The following PCDH15 variants were observed in gnomAD, a reference collection of about 807,000 sequenced individuals.
PCDH15 encodes protocadherin related 15.
PCDH15 carries 129 observed loss-of-function variants against 178.5 expected under a neutral mutation model. The ratio of observed to expected loss-of-function variants is 0.72; its 90% confidence interval spans 0.63 to 0.84. The LOEUF (loss-of-function observed/expected upper bound fraction) is 0.84, where lower values mean the gene tolerates loss of function less well. Ranked by LOEUF, PCDH15 falls within the 40% of genes least tolerant of loss-of-function variation. The probability of loss-of-function intolerance (pLI) is 0.00; values close to 1 mark genes in which losing one functional copy is unlikely to be tolerated. For missense variants in PCDH15, 2,230 were observed against 2,099.9 expected (o/e 1.06, Z -1.21); for synonymous variants, 800 against 732.0 (o/e 1.09, Z -1.50).
intron 3 of PCDH15, among the ~76,000 whole-genome samples, chr10:54,808,885 G>A (rs73268250): frequency 0.039 from 5,952 of 151,670 alleles, 345 homozygotes; most frequent in African/African-American, 0.13. Context: ...CTTTAACTAA[G>A]CTCAAGTTCA....
chr10:53,926,114 C>T lies in PCDH15; in HGVS notation c.3373+12701G>A, dbSNP rs375771084. On this transcript the variant is annotated intron_variant, in intron 25 of 37. Coordinates refer to ENST00000644397, the MANE Select transcript of PCDH15 (RefSeq NM_001384140.1). ...CAGTCATCAAGTCCTACCAACTTCT[C>T]TTTTGCAGTTGTCCTATATTTTCCT... 5.9e-5 allele frequency among the ~76,000 whole-genome samples: 9 copies of T among 152,306 alleles called. No homozygotes were observed. The East Asian group carries it at 1.5e-3, about 26-fold the overall frequency.
chr10:55,033,986 A>G (rs1840675263), intron 2 of PCDH15, among the ~76,000 whole-genome samples: 1 of 152,132 alleles, frequency 6.6e-6, no homozygotes, highest in African/African-American at 2.4e-5. Context: ...GTGAGGGTAC[A>G]GCATTCCTCC....
intron 2 of PCDH15, among the ~76,000 whole-genome samples, chr10:54,565,404 T>C (rs1009380804): frequency 2.2e-4 from 34 of 152,264 alleles, no homozygotes; most frequent in Admixed American, 2.0e-3. Context: ...TTCTACCCAC[T>C]GAGGCCTGAC....
intron 3 of PCDH15, among the ~76,000 whole-genome samples, chr10:54,519,977 T>C (rs1361500967): frequency 6.6e-6 from 1 of 152,184 alleles, no homozygotes; most frequent in African/African-American, 2.4e-5. Context: ...ATTCCCTATT[T>C]AATAAATGGT....
At chr10:55,444,769 C>T (rs901631151) in intron 2 of PCDH15, among the ~76,000 whole-genome samples, 83 of 152,090 alleles carry the variant, frequency 5.5e-4, no homozygotes, top group African/African-American at 1.9e-3. Context: ...TTGAAGCCAC[C>T]TTAAACATTA....
intron 17 of PCDH15, among the ~76,000 whole-genome samples, chr10:54,067,545 T>G (rs1249750713): frequency 2.0e-5 from 3 of 152,104 alleles, no homozygotes; most frequent in Non-Finnish European, 4.4e-5. Context: ...ATTATGTAGG[T>G]CAATGACTTC....
intron 21 of PCDH15, among the ~76,000 whole-genome samples, chr10:53,966,754 A>G (rs1027657233): frequency 6.6e-6 from 1 of 151,918 alleles, no homozygotes; most frequent in Non-Finnish European, 1.5e-5. Context: ...CTAAAATATA[A>G]TAGATATGAT....
intron 2 of PCDH15, among the ~76,000 whole-genome samples, chr10:55,035,256 T>C (rs1046338300): frequency 1.3e-5 from 2 of 152,168 alleles, no homozygotes. Flanking sequence ...CTTATAGCAT[T>C]ATTTTTGTAT....
chr10:54,143,667 T>C (rs2043611240), intron 14 of PCDH15, among the ~76,000 whole-genome samples: 1 of 152,192 alleles, frequency 6.6e-6, no homozygotes, highest in African/African-American at 2.4e-5. Context: ...CTTTGGAATA[T>C]TGCTGATTTT....
intron 18 of PCDH15, among the ~76,000 whole-genome samples, chr10:54,050,418 C>T (rs1237204926): frequency 6.6e-6 from 1 of 151,980 alleles, no homozygotes; most frequent in Non-Finnish European, 1.5e-5. Context: ...CATCTTTTGT[C>T]ATTTCTGCTT....
At chr10:55,614,834 G>T (rs962349766) in intron 2 of PCDH15, among the ~76,000 whole-genome samples, 1 of 151,936 alleles carries the variant, frequency 6.6e-6, no homozygotes, top group Non-Finnish European at 1.5e-5. Context: ...GTCATAACTG[G>T]CCAACCAAGG....
intron 15 of PCDH15, among the ~76,000 whole-genome samples, chr10:54,107,372 C>A (rs936317954): frequency 2.6e-5 from 4 of 152,186 alleles, no homozygotes; most frequent in African/African-American, 7.2e-5. Flanking sequence ...CATTACAACG[C>A]TTAGTATGAT....
chr10:54,134,855 C>A (rs1452906020), intron 14 of PCDH15, among the ~76,000 whole-genome samples: 2 of 151,604 alleles, frequency 1.3e-5, no homozygotes, highest in African/African-American at 2.4e-5. Context: ...TGTTTCTGAG[C>A]ATATCATCAG....
intron 1 of PCDH15, among the ~76,000 whole-genome samples, chr10:55,218,965 G>A (rs775849394): frequency 2.0e-5 from 3 of 151,948 alleles, no homozygotes; most frequent in Non-Finnish European, 4.4e-5. Flanking sequence ...ATTTATAGCT[G>A]GGTTTATATA....
intron 13 of PCDH15, among the ~76,000 whole-genome samples, chr10:54,179,150 A>G (rs1284048181): frequency 6.6e-6 from 1 of 152,168 alleles, no homozygotes; most frequent in Non-Finnish European, 1.5e-5. Context: ...TCACCATAGC[A>G]AAGACTTGGA....
chr10:54,225,458 T>C (rs2053327985), intron 9 of PCDH15, among the ~76,000 whole-genome samples: 2 of 152,206 alleles, frequency 1.3e-5, no homozygotes, highest in Non-Finnish European at 2.9e-5. Context: ...CCTTAGAACG[T>C]CTCTCTGATG....
intron 2 of PCDH15, among the ~76,000 whole-genome samples, chr10:54,626,676 T>C (rs185962009): frequency 8.1e-4 from 123 of 152,256 alleles, no homozygotes; most frequent in South Asian, 7.3e-3. Context: ...GGAGAACCTC[T>C]CCTAGGGCAG....
chr10:54,452,954 T>G (rs1442825003), intron 3 of PCDH15, among the ~76,000 whole-genome samples: 1 of 152,018 alleles, frequency 6.6e-6, no homozygotes, highest in African/African-American at 2.4e-5. Flanking sequence ...TGTAAATCAG[T>G]TTTTGCAGAT....
chr10:53,808,178 T>C (rs925907125), intron 37 of PCDH15: 1 of 153,734 alleles, frequency 6.5e-6, no homozygotes, highest in Middle Eastern at 3.3e-3. Flanking sequence ...AACTTACTTA[T>C]TTGAACATGT....
Sources: gnomAD v4.1 joint callset for allele counts (sites outside exome capture counted in the v4.1 genomes callset) on GRCh38, gnomAD v4.1.1 for gene constraint, MANE v1.5 for transcripts, NCBI Gene and HGNC (gene_info 2026-07-23, HGNC 2026-07-21) for gene names.